The following BORCS5 variants were observed in gnomAD, a reference collection of about 807,000 sequenced individuals.
The protein encoded by BORCS5 is BLOC-1-related complex subunit 5.
A neutral mutation model predicts 22.1 loss-of-function variants in BORCS5; 17 were observed. The ratio of observed to expected loss-of-function variants is 0.77; its 90% CI spans 0.53 to 1.15. BORCS5 has a LOEUF of 1.15. Among genes scored for constraint, BORCS5 ranks in the 50% most tolerant of loss-of-function variants. The probability of loss-of-function intolerance (pLI) is 0.00; values close to 1 mark genes in which losing one functional copy is unlikely to be tolerated. For missense variants in BORCS5, 247 were observed against 253.2 expected (o/e 0.98, Z 0.17); for synonymous variants, 117 against 99.8 (o/e 1.17, Z -1.03).
At chr12:12,403,827 T>G (rs1318699985) in intron 2 of BORCS5, among the ~76,000 whole-genome samples, 1 of 152,170 alleles carries the variant, frequency 6.6e-6, no homozygotes, top group Non-Finnish European at 1.5e-5. Flanking sequence ...ACTTGCTAGA[T>G]TATATGATTT....
intron 2 of BORCS5, among the ~76,000 whole-genome samples, chr12:12,423,643 T>C (rs1249800356): frequency 6.6e-6 from 1 of 151,720 alleles, no homozygotes; most frequent in Non-Finnish European, 1.5e-5. Flanking sequence ...GGTTCCCTTT[T>C]ATGTGATAAG....
chr12:12,430,579 A>C (rs1464419472), intron 2 of BORCS5, among the ~76,000 whole-genome samples: 1 of 152,170 alleles, frequency 6.6e-6, no homozygotes, highest in African/African-American at 2.4e-5. Context: ...GTTCTTACTC[A>C]TAGATGAGGA....
chr12:12,388,137 G>A (rs1017102214), intron 2 of BORCS5, among the ~76,000 whole-genome samples: 5 of 151,328 alleles, frequency 3.3e-5, no homozygotes, highest in Non-Finnish European at 5.9e-5. Flanking sequence ...CTGATTATCA[G>A]TACCATGCTT....
chr12:12,427,074 C>T (rs1268248767), intron 2 of BORCS5, among the ~76,000 whole-genome samples: 1 of 152,012 alleles, frequency 6.6e-6, no homozygotes, highest in African/African-American at 2.4e-5. Flanking sequence ...CCTTAGAAAG[C>T]ACACTTTTTC....
intron 2 of BORCS5, among the ~76,000 whole-genome samples, chr12:12,382,849 T>A (rs1308058470): frequency 2.6e-5 from 4 of 151,296 alleles, no homozygotes; most frequent in Non-Finnish European, 4.4e-5. Flanking sequence ...TATCTTTTTT[T>A]ATCTGTTTGC....
chr12:12,403,969 T>G (rs1941536375), intron 2 of BORCS5, among the ~76,000 whole-genome samples: 1 of 152,200 alleles, frequency 6.6e-6, no homozygotes, highest in African/African-American at 2.4e-5. Flanking sequence ...TTTTATCTTG[T>G]AGTTCCGTAT....
At position 12,360,176 on chromosome 12, in the gene BORCS5, A is replaced by G. The variant is rs143157110; in HGVS notation, c.59-1030A>G. Among the ~76,000 whole-genome samples the G allele has an allele frequency of 4.8e-3, 730 of 152,196 alleles. 6 individuals carry two copies. Among genetic ancestry groups the G allele is most frequent in the Middle Eastern group, 0.027 (8 of 294 alleles). On this transcript the variant is annotated intron_variant, in intron 1 of 3. Transcript: ENST00000314565. ...CAGGAGTTCGAGACCAGCCTGGCCA[A>G]TATGGTGAAACCCCATCTCTACTAA...
chr12:12,438,747 C>T (rs975725718), intron 3 of BORCS5, among the ~76,000 whole-genome samples: 6 of 152,130 alleles, frequency 3.9e-5, no homozygotes. Flanking sequence ...ATCCATATCC[C>T]CACTCCCTGC....
At chr12:12,451,903 C>G (rs536643325) in intron 3 of BORCS5, among the ~76,000 whole-genome samples, 3 of 137,846 alleles carry the variant, frequency 2.2e-5, no homozygotes, top group Admixed American at 7.9e-5. Flanking sequence ...GGCGACAGAG[C>G]GAGACTCTTT....
chr12:12,384,638 A>G (rs1037132054), intron 2 of BORCS5, among the ~76,000 whole-genome samples: 2 of 150,488 alleles, frequency 1.3e-5, no homozygotes, highest in African/African-American at 4.9e-5. Context: ...TGTTTGTCAA[A>G]CCTGTGAAAT....
At chr12:12,371,917 G>T (rs1863538177) in intron 2 of BORCS5, among the ~76,000 whole-genome samples, 1 of 152,022 alleles carries the variant, frequency 6.6e-6, no homozygotes, top group Admixed American at 6.6e-5. Flanking sequence ...CATCCAAGGT[G>T]TTCTTAATTT....
chr12:12,427,596 G>T (rs1175098273), intron 2 of BORCS5, among the ~76,000 whole-genome samples: 1 of 152,132 alleles, frequency 6.6e-6, no homozygotes, highest in African/African-American at 2.4e-5. Flanking sequence ...CAATAGACTC[G>T]AAAATTTCTT....
intron 2 of BORCS5, among the ~76,000 whole-genome samples, chr12:12,415,243 C>A (rs1275663138): frequency 1.3e-5 from 2 of 151,062 alleles, no homozygotes; most frequent in Non-Finnish European, 3.0e-5. Context: ...CGCCACTGCA[C>A]TCCAGCCTGG....
intron 2 of BORCS5, among the ~76,000 whole-genome samples, chr12:12,376,416 G>A (rs1473970371): frequency 1.3e-5 from 2 of 151,740 alleles, no homozygotes; most frequent in Non-Finnish European, 2.9e-5. Context: ...TGTATTTTTA[G>A]TAGAGAGGGG....
chr12:12,423,025 G>A lies in BORCS5; in HGVS notation c.203-12603G>A, dbSNP rs139540189. ...TATTTATTTTTTTATTTTTTGAGAT[G>A]GAGTCTCACTCTGTCACCTAGGCTG... is the stretch of plus-strand genomic sequence containing the variant. On this transcript the variant is annotated intron_variant, in intron 2 of 3. Coordinates refer to ENST00000314565, the MANE Select transcript of BORCS5 (RefSeq NM_058169.6). Among the ~76,000 whole-genome samples the A allele has an allele frequency of 5.2e-3, 783 of 150,058 alleles. 11 individuals are homozygous for A. The highest frequency in any genetic ancestry group is 0.041 in the East Asian group (207 of 5,072).
At chr12:12,397,615 A>G (rs1013377792) in intron 2 of BORCS5, among the ~76,000 whole-genome samples, 2 of 152,238 alleles carry the variant, frequency 1.3e-5, no homozygotes, top group Non-Finnish European at 2.9e-5. Context: ...GGTACCTGAC[A>G]TAGTCTGGTA....
chr12:12,416,803 A>G (rs1012521352), intron 2 of BORCS5, among the ~76,000 whole-genome samples: 5 of 118,732 alleles, frequency 4.2e-5, no homozygotes, highest in African/African-American at 1.6e-4. Flanking sequence ...TTTTTTTGAG[A>G]TGGAGTCTTG....
chr12:12,452,386 A>G (rs1942927425), intron 3 of BORCS5: 3 of 598,392 alleles, frequency 5.0e-6, no homozygotes, highest in South Asian at 4.1e-5. Context: ...AAACATTTTC[A>G]AAACATTTGT....
chr12:12,404,489 A>G (rs2136076989), intron 2 of BORCS5, among the ~76,000 whole-genome samples: 1 of 152,254 alleles, frequency 6.6e-6, no homozygotes, highest in South Asian at 2.1e-4. Context: ...AAGGGCAGCT[A>G]ATCCCATTTA....
Sources: gnomAD v4.1 joint callset for allele counts (sites outside exome capture counted in the v4.1 genomes callset) on GRCh38, gnomAD v4.1.1 for gene constraint, MANE v1.5 for transcripts, NCBI Gene and HGNC (gene_info 2026-07-23, HGNC 2026-07-21) for gene names.